Variants in UGT1A10 observed in about 807,000 individuals in gnomAD.
UGT1A10 encodes UDP glucuronosyltransferase family 1 member A10, also known as UDP-glucuronosyltransferase 1A10.
Under a neutral mutation model 45.8 loss-of-function variants are expected in UGT1A10, and 49 were observed. The observed-to-expected ratio is 1.07, with a 90% CI of 0.85 to 1.36. UGT1A10 has a LOEUF of 1.36. UGT1A10 is among the 40% of genes most tolerant of loss of function. The pLI is 0.00. For missense variants in UGT1A10, 745 were observed against 668.6 expected (o/e 1.11, Z -1.26); for synonymous variants, 284 against 249.7 (o/e 1.14, Z -1.29).
intron 1 of UGT1A10, among the ~76,000 whole-genome samples, chr2:233,737,236 T>A (rs2078854689): frequency 6.6e-6 from 1 of 152,226 alleles, no homozygotes; most frequent in Non-Finnish European, 1.5e-5. Flanking sequence ...CTGGATGCTT[T>A]GTTTACCTAC....
chr2:233,691,773 AC>A, intron 1 of UGT1A10: 1 of 342,278 alleles, frequency 2.9e-6, no homozygotes, highest in Non-Finnish European at 4.1e-6. Context: ...TAGGATTCTC[AC>A]CACGTACTGG....
At chr2:233,694,252 G>A (rs1223545942) in intron 1 of UGT1A10, among the ~76,000 whole-genome samples, 1 of 151,942 alleles carries the variant, frequency 6.6e-6, no homozygotes, top group African/African-American at 2.4e-5. Context: ...CTTGAGCCAG[G>A]GACCAGCGAA....
At chr2:233,725,044 AGGCGTGGCGGCGCGCGCCTGCAATCGCAG>A (rs1160459932) in intron 1 of UGT1A10, among the ~76,000 whole-genome samples, 1 of 148,048 alleles carries the variant, frequency 6.8e-6, no homozygotes, top group Non-Finnish European at 1.5e-5. Flanking sequence ...AAAACCAGTC[AGGCGTGGCGGCGCGCGCCTGCAATCGCAG>A]GCACTCGGCA....
chr2:233,670,406 T>C (rs1559333020), intron 1 of UGT1A10, among the ~76,000 whole-genome samples: 1 of 152,250 alleles, frequency 6.6e-6, no homozygotes, highest in South Asian at 2.1e-4. Flanking sequence ...TTGAAAATGC[T>C]TTTTTACAGT....
intron 1 of UGT1A10, chr2:233,760,942 C>T: frequency 6.2e-7 from 1 of 1,614,210 alleles, no homozygotes. Flanking sequence ...TGCCTTTTCA[C>T]AGAACTTTCT....
At chr2:233,743,553 T>TA in intron 1 of UGT1A10, 1 of 1,367,178 alleles carries the variant, frequency 7.3e-7, no homozygotes, top group Non-Finnish European at 9.8e-7. Context: ...CCCCCCAAAA[T>TA]ATTCTCCAGC....
chr2:233,724,683 C>T (rs986382878), intron 1 of UGT1A10, among the ~76,000 whole-genome samples: 9 of 144,584 alleles, frequency 6.2e-5, no homozygotes, highest in African/African-American at 1.3e-4. Flanking sequence ...GATGGGATGG[C>T]GGCCGGGTGA....
At chr2:233,717,878 G>T (rs2076613301) in intron 1 of UGT1A10, 1 of 454,744 alleles carries the variant, frequency 2.2e-6, no homozygotes, top group African/African-American at 2.0e-5. Context: ...TTGGAGAAAA[G>T]CCTGGCCATA....
chr2:233,694,680 C>T (rs2075234275), intron 1 of UGT1A10, among the ~76,000 whole-genome samples: 1 of 152,146 alleles, frequency 6.6e-6, no homozygotes. Context: ...TCAAACAGGT[C>T]CCAAAGACCC....
chr2:233,670,873 G>C (rs1559333208), intron 1 of UGT1A10, among the ~76,000 whole-genome samples: 3 of 152,192 alleles, frequency 2.0e-5, no homozygotes, highest in African/African-American at 7.2e-5. Flanking sequence ...ACAAAGTAAT[G>C]ATAGAACCAA....
At chr2:233,690,802 A>T in intron 1 of UGT1A10, 1 of 1,100,996 alleles carries the variant, frequency 9.1e-7, no homozygotes, top group East Asian at 7.4e-5. Context: ...CACACACACC[A>T]TTCTTAGTAC....
At chr2:233,656,987 T>A (rs1424551963) in intron 1 of UGT1A10, among the ~76,000 whole-genome samples, 2 of 152,032 alleles carry the variant, frequency 1.3e-5, no homozygotes, top group Middle Eastern at 3.2e-3. Context: ...AGCCTCCGCC[T>A]GCGTTAGGAC....
At chr2:233,690,442 T>C (rs929947496) in intron 1 of UGT1A10, 2 of 1,281,964 alleles carry the variant, frequency 1.6e-6, no homozygotes, top group African/African-American at 3.0e-5. Context: ...GGGTCTCTCC[T>C]CTATTCAAAA....
rs796155377 is a variant in UGT1A10 at position 233,747,484 on chromosome 2, G to A, written c.856-19550G>A. ...TCATGGACCCAGGATGAATTTGATC[G>A]CCTTGTGCTGGGCCACACTCAACTG... On this transcript the variant is annotated intron_variant, in intron 1 of 4. Transcript: ENST00000344644. The A allele has an allele frequency of 6.3e-5, 101 of 1,608,658 alleles. 5 individuals are homozygous for A. The African/African-American group carries it at 1.1e-3, about 17-fold the overall frequency.
chr2:233,746,961 G>C (rs1559391605), intron 1 of UGT1A10, among the ~76,000 whole-genome samples: 1 of 151,802 alleles, frequency 6.6e-6, no homozygotes, highest in Non-Finnish European at 1.5e-5. Flanking sequence ...CTTGAACTTG[G>C]ATGTTCCCCA....
chr2:233,736,596 G>A lies in UGT1A10; in HGVS notation c.856-30438G>A, dbSNP rs539240501. Among the ~76,000 whole-genome samples, 13 of 152,274 alleles carry A rather than the reference G, an allele frequency of 8.5e-5. No individual in the cohort carries two copies. The East Asian group carries it at 9.6e-4, about 11-fold the overall frequency. ...TCCTTTGGAGGAGATGTGCTTATGC[G>A]CTATGGTTTTTAGAATTTTCAGCTT... On this transcript the variant is annotated intron_variant, in intron 1 of 4. Transcript: ENST00000344644.
At chr2:233,681,841 G>T in intron 1 of UGT1A10, 6 of 1,516,252 alleles carry the variant, frequency 4.0e-6, no homozygotes, top group Admixed American at 2.3e-5. Flanking sequence ...ATAAGTACAC[G>T]CCTTCTTTTG....
chr2:233,718,727 A>T, intron 1 of UGT1A10: 1 of 1,610,864 alleles, frequency 6.2e-7, no homozygotes, highest in Non-Finnish European at 8.5e-7. Flanking sequence ...CTGATTTGCT[A>T]GGTGGCTCAA....
At chr2:233,679,743 T>C (rs1019991375) in intron 1 of UGT1A10, among the ~76,000 whole-genome samples, 1 of 152,142 alleles carries the variant, frequency 6.6e-6, no homozygotes, top group African/African-American at 2.4e-5. Flanking sequence ...TTTGTAAAAC[T>C]AGCAAACCAT....
Sources: allele counts gnomAD v4.1 joint callset (sites outside exome capture counted in the v4.1 genomes callset), GRCh38; gene constraint gnomAD v4.1.1; transcripts MANE v1.5; gene names NCBI Gene and HGNC (gene_info 2026-07-23, HGNC 2026-07-21).